CAMKMT: variants seen among roughly 807,000 people sequenced by gnomAD.
The protein encoded by CAMKMT is CaM KMT.
CAMKMT carries 53 observed loss-of-function variants against 48.0 expected under a neutral mutation model. The ratio of observed to expected loss-of-function variants is 1.10; its 90% CI spans 0.89 to 1.39. The LOEUF (loss-of-function observed/expected upper bound fraction) is 1.39, where lower values mean the gene tolerates loss of function less well. Among genes scored for constraint, CAMKMT ranks in the 40% most tolerant of loss-of-function variants. The pLI is 0.00. For synonymous variants in CAMKMT, 165 were observed against 152.3 expected (o/e 1.08, Z -0.61); for missense variants, 428 against 402.7 (o/e 1.06, Z -0.54).
chr2:44,671,787 T>A (rs924620291), intron 3 of CAMKMT, among the ~76,000 whole-genome samples: 1 of 152,204 alleles, frequency 6.6e-6, no homozygotes, highest in African/African-American at 2.4e-5. Context: ...TCTCTTTGTT[T>A]CTGGCTAAAA....
intron 3 of CAMKMT, among the ~76,000 whole-genome samples, chr2:44,651,395 G>A (rs1276382207): frequency 6.6e-6 from 1 of 152,170 alleles, no homozygotes; most frequent in Non-Finnish European, 1.5e-5. Context: ...AAAGTTGCAT[G>A]TTTTTTAGCC....
At chr2:44,768,936 TA>T (rs2104410168) in intron 10 of CAMKMT, among the ~76,000 whole-genome samples, 1 of 152,268 alleles carries the variant, frequency 6.6e-6, no homozygotes. Flanking sequence ...AGACGCCTGA[TA>T]ATGCCGCTCT....
intron 3 of CAMKMT, among the ~76,000 whole-genome samples, chr2:44,624,844 A>G (rs1268640984): frequency 2.6e-5 from 4 of 152,184 alleles, no homozygotes; most frequent in Admixed American, 2.6e-4. Flanking sequence ...TATACCCAAT[A>G]ATGGGATGGC....
intron 3 of CAMKMT, among the ~76,000 whole-genome samples, chr2:44,522,218 G>A (rs1373459371): frequency 6.6e-6 from 1 of 151,914 alleles, no homozygotes; most frequent in Non-Finnish European, 1.5e-5. Context: ...TATTAGCCGG[G>A]ATGGTCTTGA....
Position 44,364,543 on chromosome 2 carries a change from C to T in CAMKMT, c.138+2398C>T, listed in dbSNP as rs146867993. The stretch of plus-strand genomic sequence containing the variant: ...ATTAATTTACATCCTCTGCACCTAG[C>T]ACAGGGCCTGGTTAATTGATTTTTA... On this transcript the variant is annotated intron_variant, in intron 1 of 10. Transcript: ENST00000378494. 3.5e-4 allele frequency among the ~76,000 whole-genome samples: 54 copies of T among 152,298 alleles called. No individual in the cohort carries two copies. In the South Asian group the frequency reaches 5.0e-3, roughly 14 times the overall value.
At chr2:44,426,159 A>T (rs965150615) in intron 3 of CAMKMT, among the ~76,000 whole-genome samples, 1 of 152,238 alleles carries the variant, frequency 6.6e-6, no homozygotes, top group African/African-American at 2.4e-5. Flanking sequence ...ACTAAAACAT[A>T]GTTTAAATAT....
At chr2:44,423,756 A>G (rs1281483295) in intron 3 of CAMKMT, among the ~76,000 whole-genome samples, 3 of 152,220 alleles carry the variant, frequency 2.0e-5, no homozygotes, top group Non-Finnish European at 4.4e-5. Context: ...ATATACATAC[A>G]GTTAAAATAA....
chr2:44,523,689 G>T (rs1054878815), intron 3 of CAMKMT, among the ~76,000 whole-genome samples: 22 of 151,354 alleles, frequency 1.5e-4, no homozygotes, highest in South Asian at 6.3e-4. Context: ...AGACTATAGA[G>T]TACCTGTATA....
intron 3 of CAMKMT, among the ~76,000 whole-genome samples, chr2:44,513,367 C>A (rs911574083): frequency 6.6e-6 from 1 of 152,140 alleles, no homozygotes; most frequent in African/African-American, 2.4e-5. Context: ...AACAAATGAA[C>A]AAATTATGTT....
At chr2:44,557,225 CAT>C (rs1668062017) in intron 3 of CAMKMT, among the ~76,000 whole-genome samples, 1 of 151,896 alleles carries the variant, frequency 6.6e-6, no homozygotes, top group Non-Finnish European at 1.5e-5. Flanking sequence ...TAATCTTACT[CAT>C]ATCTCTGTGG....
At chr2:44,535,440 A>G (rs1666721322) in intron 3 of CAMKMT, among the ~76,000 whole-genome samples, 2 of 152,188 alleles carry the variant, frequency 1.3e-5, no homozygotes. Flanking sequence ...CAACAGCAAC[A>G]AAAACTACAG....
At chr2:44,484,941 C>A (rs1458351671) in intron 3 of CAMKMT, among the ~76,000 whole-genome samples, 1 of 152,030 alleles carries the variant, frequency 6.6e-6, no homozygotes, top group Non-Finnish European at 1.5e-5. Context: ...AACAGTATAT[C>A]CAAATGGCCG....
intron 3 of CAMKMT, among the ~76,000 whole-genome samples, chr2:44,579,057 A>G (rs1669396417): frequency 6.6e-6 from 1 of 152,242 alleles, no homozygotes; most frequent in Admixed American, 6.5e-5. Flanking sequence ...TTGAAGTGAC[A>G]GTGGGTAATA....
chr2:44,521,554 C>CA (rs1431707971), intron 3 of CAMKMT, among the ~76,000 whole-genome samples: 1 of 152,206 alleles, frequency 6.6e-6, no homozygotes, highest in Non-Finnish European at 1.5e-5. Context: ...GCTGGGATTA[C>CA]AGGCCTGAGC....
At chr2:44,410,254 T>A (rs1262349830) in intron 3 of CAMKMT, among the ~76,000 whole-genome samples, 6 of 78,170 alleles carry the variant, frequency 7.7e-5, no homozygotes, top group South Asian at 9.8e-4. Context: ...TATATTTTTT[T>A]TTTTTTTTTT....
At chr2:44,448,626 C>G (rs1667128985) in intron 3 of CAMKMT, among the ~76,000 whole-genome samples, 1 of 152,084 alleles carries the variant, frequency 6.6e-6, no homozygotes. Flanking sequence ...TAAAAAAAGT[C>G]CACCCAACTA....
rs113294065 is a variant in CAMKMT, at chr2:44,763,605, T to C, written c.763-2825T>C. On this transcript the variant is annotated intron_variant, in intron 9 of 10. Coordinates refer to ENST00000378494, the MANE Select transcript of CAMKMT (RefSeq NM_024766.5). ...ACAAGGATACAATGTGTGTCCCTGG[T>C]GGTAAGTGCTAAGAACAAAAATAAG... Among the ~76,000 whole-genome samples, 478 of 152,214 alleles carry C rather than the reference T, an allele frequency of 3.1e-3. 1 individual carries two copies. Among genetic ancestry groups the C allele is most frequent in the Non-Finnish European group, 5.0e-3 (337 of 68,006 alleles).
At chr2:44,364,777 G>A (rs925362005) in intron 1 of CAMKMT, among the ~76,000 whole-genome samples, 5 of 152,200 alleles carry the variant, frequency 3.3e-5, no homozygotes, top group African/African-American at 9.7e-5. Flanking sequence ...AGTCATCTGG[G>A]TATCTCTATG....
At chr2:44,401,548 G>C (rs1159385953) in intron 3 of CAMKMT, among the ~76,000 whole-genome samples, 1 of 150,560 alleles carries the variant, frequency 6.6e-6, no homozygotes, top group East Asian at 1.9e-4. Flanking sequence ...CAGAGACTCT[G>C]TCTCAAAAAA....
Sources: allele counts gnomAD v4.1 joint callset (sites outside exome capture counted in the v4.1 genomes callset), GRCh38; gene constraint gnomAD v4.1.1; transcripts MANE v1.5; gene names NCBI Gene and HGNC (gene_info 2026-07-23, HGNC 2026-07-21).